Variants in FZD3 observed in about 807,000 individuals in gnomAD.
FZD3 encodes frizzled class receptor 3.
A neutral mutation model predicts 60.7 loss-of-function variants in FZD3; 30 were observed. The ratio of observed to expected loss-of-function variants is 0.49; its 90% CI spans 0.37 to 0.67. The LOEUF is 0.67. Among genes scored for constraint, FZD3 ranks in the 30% least tolerant of loss-of-function variants. FZD3 has a pLI of 0.00. For missense variants in FZD3, 605 were observed against 838.7 expected (o/e 0.72, Z 3.44); for synonymous variants, 246 against 275.2 (o/e 0.89, Z 1.05).
intron 1 of FZD3, 89 bp downstream of exon 1, chr8:28,494,432 G>A (rs1179602066): frequency 6.6e-6 from 1 of 152,260 alleles, no homozygotes; most frequent in Non-Finnish European, 1.5e-5. Flanking sequence ...CCGCGCGGCT[G>A]CCTGCTGCTC....
At position 28,527,267 on chromosome 8, in the gene FZD3, A is replaced by G. The variant is rs61754566; in HGVS notation, c.507A>G (p.Leu169=). 1.9e-4 allele frequency: 307 copies of G among 1,613,964 alleles called. 1 individual carries two copies. The highest frequency in any genetic ancestry group is 6.6e-4 in the Middle Eastern group (4 of 6,084). ...ATGGTTTTTGGTGTCCCCGAGAGTT[A>G]AAAATTGATCCTGATCTGGGTTATT... The part of the protein sequence containing the change: ...RDYGFWCPRE[L]KIDPDLGYSF... Residue 169 remains leucine, a synonymous_variant, in exon 5 of 8, where the codon TTA becomes TTG. Coordinates refer to ENST00000240093, the MANE Select transcript of FZD3 (RefSeq NM_017412.4). This position sits in a 1 kb window ranked among gnomAD's most constrained non-coding sequence, Gnocchi z 5.0.
intron 5 of FZD3, among the ~76,000 whole-genome samples, chr8:28,543,016 A>T (rs1420393568): frequency 1.3e-5 from 2 of 152,168 alleles, no homozygotes; most frequent in South Asian, 4.1e-4. Context: ...ACTCTAGATG[A>T]TCAGTCATCT....
At chr8:28,530,699 G>T (rs1444863719) in intron 5 of FZD3, among the ~76,000 whole-genome samples, 1 of 151,954 alleles carries the variant, frequency 6.6e-6, no homozygotes, top group African/African-American at 2.4e-5. Flanking sequence ...CCCTAATCCT[G>T]TTCCTCTTAT....
rs1463882154 is a variant in FZD3, at chr8:28,571,649, T to C, written c.*8638T>C. 1 of 152,220 alleles carries C rather than the reference T, an allele frequency of 6.6e-6. No homozygotes were observed. Among genetic ancestry groups the C allele is most frequent in the Admixed American group, 6.5e-5 (1 of 15,284 alleles). The allele number at this position is 152,220 out of a possible 1,614,324, so 9.4% of individuals were successfully genotyped here. ...CCAACTTCCAACAACTTTTCTGCTT[T>C]TATTTTCAAATGTCAAATTGTATTT... On this transcript the variant is annotated 3_prime_UTR_variant, in exon 8 of 8. Coordinates refer to ENST00000240093, the MANE Select transcript of FZD3 (RefSeq NM_017412.4).
Position 28,563,959 on chromosome 8 carries a change from A to C in FZD3, c.*948A>C, listed in dbSNP as rs563879407. On this transcript the variant is annotated 3_prime_UTR_variant, in exon 8 of 8. Transcript: ENST00000240093. ...TCTACAGTGAGATGTGATCTTGCCA[A>C]AGCCACCAGACCTTGGCTTCCAGGC... The C allele has an allele frequency of 6.5e-6, 1 of 152,784 alleles. No individual in the cohort carries two copies. Among genetic ancestry groups the C allele is most frequent in the East Asian group, 1.9e-4 (1 of 5,192 alleles). 9.5% of individuals were successfully genotyped at this position (152,784 alleles called of 1,614,324 possible).
chr8:28,522,287 A>T (rs1472679899), intron 4 of FZD3, among the ~76,000 whole-genome samples: 28 of 151,886 alleles, frequency 1.8e-4, no homozygotes, highest in Non-Finnish European at 4.0e-4. Context: ...AAAAAAAAAC[A>T]GTGTTATTTA....
rs1389673812 is a variant in FZD3, at chr8:28,570,629, A to G, written c.*7618A>G. ...AACGGAGCGAGACTCTATCTCAAAA[A>G]AAAAAAAAGAAAAAAAAAAAAGTAG... On this transcript the variant is annotated 3_prime_UTR_variant, in exon 8 of 8. Transcript: ENST00000240093. 6.6e-6 allele frequency: 1 copy of G among 151,356 alleles called. No homozygotes were observed. Among genetic ancestry groups the G allele is most frequent in the Non-Finnish European group, 1.5e-5 (1 of 68,292 alleles). 9.4% of individuals were successfully genotyped at this position (151,356 alleles called of 1,614,324 possible).
chr8:28,526,916 G>A (rs181980867), intron 4 of FZD3, among the ~76,000 whole-genome samples: 1 of 152,216 alleles, frequency 6.6e-6, no homozygotes, highest in Non-Finnish European at 1.5e-5. Flanking sequence ...TCTTTGTCTC[G>A]AGGCTATCAT....
intron 6 of FZD3, among the ~76,000 whole-genome samples, chr8:28,554,689 A>C (rs1300414054): frequency 6.6e-6 from 1 of 152,140 alleles, no homozygotes; most frequent in East Asian, 1.9e-4. Context: ...TAATGATGAC[A>C]TTATTAAGAG....
chr8:28,501,843 A>C (rs966123566), intron 2 of FZD3, among the ~76,000 whole-genome samples: 5 of 152,202 alleles, frequency 3.3e-5, no homozygotes, highest in African/African-American at 1.2e-4. Flanking sequence ...CCGTTCGTTG[A>C]TGAAATATTT....
chr8:28,543,849 C>A (rs1805232937), intron 5 of FZD3, among the ~76,000 whole-genome samples: 2 of 152,060 alleles, frequency 1.3e-5, no homozygotes, highest in Non-Finnish European at 2.9e-5. Flanking sequence ...TAAAGTTTTT[C>A]CAGCTTAATA....
At position 28,549,206 on chromosome 8, in the gene FZD3, A is replaced by G. The variant is rs77540615; in HGVS notation, c.1405-2397A>G. On this transcript the variant is annotated intron_variant, in intron 5 of 7. Coordinates refer to ENST00000240093, the MANE Select transcript of FZD3 (RefSeq NM_017412.4). ...AATTTCCTCCTCTTATAAGGATACC[A>G]GCCAGATTGGGTTGGGATCTACCCA... 1.5e-3 allele frequency among the ~76,000 whole-genome samples: 233 copies of G among 152,282 alleles called. 7 individuals carry two copies. The East Asian group carries it at 0.042, about 27-fold the overall frequency.
intron 5 of FZD3, among the ~76,000 whole-genome samples, chr8:28,539,063 C>A (rs1342689637): frequency 1.6e-4 from 25 of 151,990 alleles, no homozygotes; most frequent in Admixed American, 1.6e-3. Context: ...AATAAAGATA[C>A]CTTCAGGAAT....
intron 3 of FZD3, among the ~76,000 whole-genome samples, chr8:28,503,506 A>G (rs1298135102): frequency 6.6e-6 from 1 of 152,220 alleles, no homozygotes; most frequent in Non-Finnish European, 1.5e-5. Flanking sequence ...CAAGCAGTGA[A>G]AAAGTTTTTG....
chr8:28,537,291 A>G (rs527724291), intron 5 of FZD3, among the ~76,000 whole-genome samples: 1 of 152,286 alleles, frequency 6.6e-6, no homozygotes, highest in South Asian at 2.1e-4. Flanking sequence ...ATGATAAAAT[A>G]TACAAGTTAT....
chr8:28,554,450 G>C (rs930126377), intron 6 of FZD3, among the ~76,000 whole-genome samples: 27 of 152,006 alleles, frequency 1.8e-4, no homozygotes, highest in African/African-American at 6.0e-4. Flanking sequence ...TTGGCACTTT[G>C]TTTTCCAGAT....
chr8:28,511,457 C>G (rs571577318), intron 3 of FZD3, among the ~76,000 whole-genome samples: 3 of 152,214 alleles, frequency 2.0e-5, no homozygotes, highest in African/African-American at 7.2e-5. Flanking sequence ...TGTACTCCAT[C>G]CAGTCTGGGT....
chr8:28,536,429 CG>C (rs1368840563), intron 5 of FZD3, among the ~76,000 whole-genome samples: 2 of 152,074 alleles, frequency 1.3e-5, no homozygotes, highest in Non-Finnish European at 2.9e-5. Flanking sequence ...TTTTATAGTC[CG>C]GGCGCAGTGG....
chr8:28,555,677 A>G, intron 6 of FZD3, 61 bp from the exon 7 acceptor site: 1 of 907,010 alleles, frequency 1.1e-6, no homozygotes, highest in Admixed American at 1.8e-5. Flanking sequence ...TCAGAGAAGT[A>G]TTGCTTATTG....
Sources: gnomAD v4.1 joint callset for allele counts (sites outside exome capture counted in the v4.1 genomes callset) on GRCh38, gnomAD v4.1.1 for gene constraint, Gnocchi (gnomAD v3.1) non-coding constraint, MANE v1.5 for transcripts, NCBI Gene and HGNC (gene_info 2026-07-23, HGNC 2026-07-21) for gene names.